Variants in REV3L observed in about 807,000 individuals in gnomAD.
REV3L encodes REV3 like, DNA directed polymerase zeta catalytic subunit.
In REV3L, 69 loss-of-function variants were observed where a neutral mutation model predicts 299.4. The ratio of observed to expected loss-of-function variants is 0.23; its 90% CI spans 0.19 to 0.28. REV3L has a LOEUF of 0.28. Ranked by LOEUF, REV3L falls within the 10% of genes least tolerant of loss-of-function variation. The pLI is 1.00. For synonymous variants in REV3L, 1,238 were observed against 1,271.4 expected, an observed-to-expected ratio of 0.97 and a Z score of 0.56; for missense variants, 3,128 against 3,693.8, an observed-to-expected ratio of 0.85 and a Z score of 3.97.
chr6:111,309,263 G>A (rs564668001), intron 30 of REV3L: 1 of 152,332 alleles, frequency 6.6e-6, no homozygotes, highest in East Asian at 1.9e-4. Context: ...CGTGGGCTAG[G>A]AGAATGAGTG....
Position 111,299,926 on chromosome 6 carries a change from G to T in REV3L, c.*90C>A. 7.9e-7 allele frequency: 1 copy of T among 1,270,100 alleles called. No individual in the cohort carries two copies. The highest frequency in any genetic ancestry group is 1.6e-5 in the South Asian group (1 of 64,068). The allele number at this position is 1,270,100 out of a possible 1,614,324, so 78.7% of individuals were successfully genotyped here. The stretch of plus-strand genomic sequence containing the variant: ...CAGATAACAGACAGTGAACATCCTT[G>T]ACTCGATGAAAGTTAAAAAGCACCA... On this transcript the variant is annotated 3_prime_UTR_variant, in exon 32 of 32. Coordinates refer to ENST00000368802, the MANE Select transcript of REV3L (RefSeq NM_001372078.1).
chr6:111,456,701 T>A (rs1209671216), intron 1 of REV3L, among the ~76,000 whole-genome samples: 4 of 152,140 alleles, frequency 2.6e-5, no homozygotes, highest in Non-Finnish European at 5.9e-5. Context: ...ATATTAAACT[T>A]CAGATTTCAA....
intron 14 of REV3L, among the ~76,000 whole-genome samples, chr6:111,366,002 T>C (rs778227091): frequency 6.6e-6 from 1 of 152,146 alleles, no homozygotes; most frequent in Non-Finnish European, 1.5e-5. Flanking sequence ...ACTTGGGAGA[T>C]AAACAAGTGA....
chr6:111,477,325 A>G (rs1793058653), intron 1 of REV3L, among the ~76,000 whole-genome samples: 2 of 152,232 alleles, frequency 1.3e-5, no homozygotes, highest in South Asian at 4.1e-4. Flanking sequence ...AAAGAAACAC[A>G]TTATCAGGAT....
chr6:111,387,316 T>C (rs1262753320), intron 9 of REV3L, among the ~76,000 whole-genome samples: 1 of 152,208 alleles, frequency 6.6e-6, no homozygotes, highest in African/African-American at 2.4e-5. Context: ...TGTGGACTGA[T>C]GGAAACATTC....
In REV3L at chr6:111,388,058, C is replaced by T. The variant is rs149702598; in HGVS notation, c.890G>A (p.Ser297Asn). Reference sequence around the variant, plus strand: ...AAGTCTCTTCTGAAATTTTTTTTCACTTTCTGTTGCTGGCACAAACCTGTG... The same window carrying T: ...AAGTCTCTTCTGAAATTTTTTTTCATTTTCTGTTGCTGGCACAAACCTGTG... ...QDHRFVPATE[S>N]EKKFQKRLQE... The change falls in exon 8 of 32, where the codon AGT (serine) becomes AAT (asparagine). Residue 297 changes from serine (S) to asparagine (N), a missense_variant. Ser to Asn is a conservative substitution (Grantham distance 46). Transcript: ENST00000368802. The T allele has an allele frequency of 9.3e-6, 15 of 1,611,652 alleles. No individual in the cohort carries two copies. The highest frequency in any genetic ancestry group is 1.6e-4 in the Middle Eastern group (1 of 6,074).
At chr6:111,327,846 A>G (rs1233525356) in intron 25 of REV3L, among the ~76,000 whole-genome samples, 4 of 152,166 alleles carry the variant, frequency 2.6e-5, no homozygotes, top group Non-Finnish European at 5.9e-5. Flanking sequence ...TATAGATGGT[A>G]TTTTGCTGCT....
At chr6:111,407,587 A>T (rs1395606294) in intron 3 of REV3L, among the ~76,000 whole-genome samples, 1 of 152,204 alleles carries the variant, frequency 6.6e-6, no homozygotes, top group African/African-American at 2.4e-5. Context: ...TCATTAGTGA[A>T]AGCAATTTTC....
chr6:111,415,398 T>C (rs1354218008), intron 2 of REV3L, among the ~76,000 whole-genome samples: 1 of 152,262 alleles, frequency 6.6e-6, no homozygotes, highest in East Asian at 1.9e-4. Context: ...AGTCATAGGG[T>C]AAGAGTAGCC....
intron 3 of REV3L, among the ~76,000 whole-genome samples, chr6:111,408,333 T>G (rs1471672248): frequency 6.6e-6 from 1 of 152,150 alleles, no homozygotes; most frequent in Non-Finnish European, 1.5e-5. Context: ...CTGGGCACGG[T>G]GGCTCACGCC....
At chr6:111,310,868 T>C (rs1772898209) in intron 29 of REV3L, 2 of 426,180 alleles carry the variant, frequency 4.7e-6, no homozygotes, top group Non-Finnish European at 8.2e-6. Context: ...CATAAGTTTC[T>C]GAAGGAAAGC....
chr6:111,465,682 G>A (rs1379298685), intron 1 of REV3L, among the ~76,000 whole-genome samples: 1 of 141,744 alleles, frequency 7.1e-6, no homozygotes, highest in South Asian at 2.3e-4. Flanking sequence ...GCAGTGAGCT[G>A]AGATCGCGCC....
chr6:111,301,043 C>A (rs1582400813), intron 31 of REV3L, among the ~76,000 whole-genome samples: 1 of 152,138 alleles, frequency 6.6e-6, no homozygotes, highest in African/African-American at 2.4e-5. Flanking sequence ...CAAGGAATAA[C>A]CCCGGGAAAA....
chr6:111,332,438 A>C (rs1160790003), intron 23 of REV3L, among the ~76,000 whole-genome samples: 5 of 152,220 alleles, frequency 3.3e-5, no homozygotes, highest in Non-Finnish European at 5.9e-5. Flanking sequence ...TATTTAAAGA[A>C]TAATTTAAAC....
In REV3L at chr6:111,422,688, A is replaced by G. The variant is rs1258578721; in HGVS notation, c.140-6216T>C. Among the ~76,000 whole-genome samples the G allele has an allele frequency of 1.1e-4, 14 of 126,250 alleles. 1 individual carries two copies. Among genetic ancestry groups the G allele is most frequent in the Non-Finnish European group, 1.7e-4 (10 of 57,728 alleles). The allele number at this position is 126,250 out of a possible 152,430, so 82.8% of individuals were successfully genotyped here. On this transcript the variant is annotated intron_variant, in intron 1 of 31. Transcript: ENST00000368802. ...CATATATATATATATACGTATATAT[A>G]TATATATATATATTTCCCCCCACTA...
intron 1 of REV3L, chr6:111,430,421 T>G (rs1786760679): frequency 6.7e-7 from 1 of 1,482,424 alleles, no homozygotes; most frequent in Admixed American, 1.7e-5. Context: ...TAAAGGATAT[T>G]TTCAAACTAA....
At chr6:111,464,365 C>G (rs1317733784) in intron 1 of REV3L, among the ~76,000 whole-genome samples, 4 of 152,134 alleles carry the variant, frequency 2.6e-5, no homozygotes, top group African/African-American at 9.7e-5. Context: ...TACTGGCAAA[C>G]ACTAGGCTTG....
chr6:111,461,958 A>G (rs1790822039), intron 1 of REV3L, among the ~76,000 whole-genome samples: 2 of 152,190 alleles, frequency 1.3e-5, no homozygotes, highest in African/African-American at 4.8e-5. Flanking sequence ...AATAAAAGAG[A>G]CATGTCAAAA....
At chr6:111,443,428 T>C (rs982489237) in intron 1 of REV3L, among the ~76,000 whole-genome samples, 7 of 152,190 alleles carry the variant, frequency 4.6e-5, no homozygotes, top group African/African-American at 1.7e-4. Flanking sequence ...AAATAGATGG[T>C]GGGCATTGTA....
Sources: gnomAD v4.1 joint callset for allele counts (sites outside exome capture counted in the v4.1 genomes callset) on GRCh38, gnomAD v4.1.1 for gene constraint, MANE v1.5 for transcripts, NCBI Gene and HGNC (gene_info 2026-07-23, HGNC 2026-07-21) for gene names.